CC2D2B: variants seen among roughly 807,000 people sequenced by gnomAD.
CC2D2B encodes coiled-coil and C2 domain containing 2B, also known as protein CC2D2B.
CC2D2B carries 128 observed loss-of-function variants against 161.2 expected under a neutral mutation model. The ratio of observed to expected loss-of-function variants is 0.79; its 90% CI spans 0.69 to 0.92. The LOEUF is 0.92. Ranked by LOEUF, CC2D2B falls within the 40% of genes least tolerant of loss-of-function variation. The probability of loss-of-function intolerance (pLI) is 0.00; values close to 1 mark genes in which losing one functional copy is unlikely to be tolerated. For missense variants in CC2D2B, 1,173 were observed against 1,375.1 expected, an observed-to-expected ratio of 0.85 and a Z score of 2.32; for synonymous variants, 391 against 449.8, an observed-to-expected ratio of 0.87 and a Z score of 1.65.
chr10:96,029,619 C>G (rs1303463504), intron 34 of CC2D2B, among the ~76,000 whole-genome samples: 1 of 151,786 alleles, frequency 6.6e-6, no homozygotes, highest in Non-Finnish European at 1.5e-5. Context: ...TTACAGTGGT[C>G]CCTTGGTATC....
At chr10:95,967,676 A>AT (rs2076986477) in intron 14 of CC2D2B, among the ~76,000 whole-genome samples, 1 of 152,182 alleles carries the variant, frequency 6.6e-6, no homozygotes, top group Admixed American at 6.5e-5. Flanking sequence ...TCAAATTCAA[A>AT]TTTTTAAAAT....
chr10:95,991,715 A>G (rs1338083559), intron 21 of CC2D2B, among the ~76,000 whole-genome samples: 3 of 152,194 alleles, frequency 2.0e-5, no homozygotes, highest in Admixed American at 2.0e-4. Flanking sequence ...GTTTCAGGGC[A>G]AGAAAGAAAA....
rs1284081881 is a variant in CC2D2B, at chr10:95,924,768, T to C, written c.175-11T>C. ...CTATTTCTGTAAAGATTTATTTATG[T>C]TGTGTTTCAGATTAATAAAGGTGAA... On this transcript the variant is annotated splice_polypyrimidine_tract_variant and intron_variant, in intron 4 of 34. Transcript: ENST00000646931. 2.0e-6 allele frequency: 3 copies of C among 1,500,546 alleles called. No homozygotes were observed. Among genetic ancestry groups the C allele is most frequent in the Non-Finnish European group, 2.7e-6 (3 of 1,101,886 alleles). 93.0% of individuals were successfully genotyped at this position (1,500,546 alleles called of 1,614,324 possible).
At position 95,961,689 on chromosome 10, in the gene CC2D2B, G is replaced by A. The variant is rs549387744; in HGVS notation, c.1110-140G>A. The A allele has an allele frequency of 1.5e-3, 623 of 409,476 alleles. 6 individuals carry two copies. The highest frequency in any genetic ancestry group is 3.2e-3 in the Middle Eastern group (5 of 1,586). The allele number at this position is 409,476 out of a possible 1,614,324, so 25.4% of individuals were successfully genotyped here. On this transcript the variant is annotated intron_variant, in intron 11 of 34. Transcript: ENST00000646931. The stretch of plus-strand genomic sequence containing the variant: ...GTAACATAAAATATAGTAAGATGGC[G>A]TTCAGATGTGTATAAAATGAAAAGA...
chr10:95,911,742 C>A (rs1165268266), intron 2 of CC2D2B, among the ~76,000 whole-genome samples: 1 of 152,104 alleles, frequency 6.6e-6, no homozygotes, highest in Non-Finnish European at 1.5e-5. Context: ...TTTATCCCTA[C>A]CTTCTAGATG....
In CC2D2B at chr10:95,996,223, C is replaced by T; in HGVS notation, c.2820C>T (p.Cys940=). Residue 940 remains cysteine, a synonymous_variant, in exon 24 of 35, where the codon TGC becomes TGT. Coordinates refer to ENST00000646931, the MANE Select transcript of CC2D2B (RefSeq NM_001349008.3). ...KTNTASGSHP[C]WNEEIKVDFV... Reference sequence around the variant, plus strand: ...ATACAGCAAGTGGATCTCATCCATGCTGGAATGAAGAAATTAAAGTAGATT... The same window carrying T: ...ATACAGCAAGTGGATCTCATCCATGTTGGAATGAAGAAATTAAAGTAGATT... The T allele has an allele frequency of 6.7e-7, 1 of 1,499,574 alleles. No individual in the cohort carries two copies. Among genetic ancestry groups the T allele is most frequent in the Non-Finnish European group, 8.9e-7 (1 of 1,122,376 alleles). 92.9% of individuals were successfully genotyped at this position (1,499,574 alleles called of 1,614,324 possible). A position where few individuals can be genotyped will look rare whatever the true frequency, so the allele number is the denominator to read the frequency against.
intron 4 of CC2D2B, 57 bp downstream of exon 4, chr10:95,924,447 C>A: frequency 1.1e-6 from 1 of 948,830 alleles, no homozygotes; most frequent in Non-Finnish European, 1.6e-6. Flanking sequence ...AGACATTTAA[C>A]ACAATCAAGT....
intron 17 of CC2D2B, among the ~76,000 whole-genome samples, chr10:95,979,261 CA>C (rs1299466052): frequency 6.6e-6 from 1 of 151,714 alleles, no homozygotes; most frequent in Admixed American, 6.6e-5. Flanking sequence ...CTCCTAAATC[CA>C]GAAGTGGGCT....
At chr10:95,945,587 T>A (rs1020699916) in intron 9 of CC2D2B, among the ~76,000 whole-genome samples, 3 of 152,170 alleles carry the variant, frequency 2.0e-5, no homozygotes, top group African/African-American at 7.2e-5. Context: ...GATTTTTATA[T>A]GTCAACCAGC....
chr10:96,024,575 T>C (rs1208350353), intron 32 of CC2D2B, among the ~76,000 whole-genome samples: 1 of 152,200 alleles, frequency 6.6e-6, no homozygotes, highest in African/African-American at 2.4e-5. Flanking sequence ...GTAGCATCCA[T>C]AGTGTGTCAA....
intron 2 of CC2D2B, among the ~76,000 whole-genome samples, chr10:95,915,640 T>G (rs2098514773): frequency 6.6e-6 from 1 of 152,242 alleles, no homozygotes; most frequent in Non-Finnish European, 1.5e-5. Context: ...AAATGCTTTT[T>G]CAGCATCAAT....
intron 9 of CC2D2B, among the ~76,000 whole-genome samples, chr10:95,946,222 A>C (rs2076194640): frequency 6.6e-6 from 1 of 152,198 alleles, no homozygotes; most frequent in African/African-American, 2.4e-5. Context: ...TGAAGCCTAC[A>C]GTCACTTCCA....
chr10:95,938,625 G>C lies in CC2D2B; in HGVS notation c.592G>C (p.Gly198Arg). 1 of 713,178 alleles carries C rather than the reference G, an allele frequency of 1.4e-6. No individual in the cohort carries two copies. The highest frequency in any genetic ancestry group is 2.6e-6 in the Non-Finnish European group (1 of 383,904). The allele number at this position is 713,178 out of a possible 1,614,324, so 44.2% of individuals were successfully genotyped here. Residue 198 changes from glycine to arginine, a missense_variant, in exon 8 of 35, where the codon GGA (glycine) becomes CGA (arginine). Coordinates refer to ENST00000646931, the MANE Select transcript of CC2D2B (RefSeq NM_001349008.3). Reference protein sequence around the residue: ...DMMPRILEDEGFYIQRKPEIY... With the variant: ...DMMPRILEDERFYIQRKPEIY... ...GATGCCACGTATTCTAGAAGATGAA[G>C]GATTCTATATTCAGAGAAAGCCAGA...
chr10:96,033,014 G>A lies in CC2D2B; in HGVS notation c.*1006G>A, dbSNP rs1223297551. Among the ~76,000 whole-genome samples the A allele has an allele frequency of 6.6e-6, 1 of 152,110 alleles. No individual in the cohort carries two copies. The highest frequency in any genetic ancestry group is 1.5e-5 in the Non-Finnish European group (1 of 68,028). ...TGTTTTGTCCTTCATTAAAAGAAAT[G>A]TGTTTATATAATTTACTTACATATG... On this transcript the variant is annotated 3_prime_UTR_variant, in exon 35 of 35. Coordinates refer to ENST00000646931, the MANE Select transcript of CC2D2B (RefSeq NM_001349008.3).
intron 10 of CC2D2B, among the ~76,000 whole-genome samples, chr10:95,954,836 A>G (rs2076520100): frequency 6.6e-6 from 1 of 152,110 alleles, no homozygotes; most frequent in Admixed American, 6.6e-5. Context: ...CAACTGTGAC[A>G]GACGTCTCCT....
intron 32 of CC2D2B, among the ~76,000 whole-genome samples, chr10:96,023,984 G>C (rs1389817088): frequency 6.6e-6 from 1 of 152,174 alleles, no homozygotes; most frequent in Non-Finnish European, 1.5e-5. Context: ...ACTCACGAAG[G>C]GGGAACATCT....
At position 96,012,332 on chromosome 10, in the gene CC2D2B, A is replaced by G; in HGVS notation, c.3193A>G (p.Ile1065Val). ...LNIFATIEPQ[I>V]SYVTCNPTLD... ...TATTTTTGCTACCATTGAACCTCAA[A>G]TATCATATGTCACCTGTAATCCAAC... Residue 1065 changes from isoleucine (I) to valine (V), a missense_variant, in exon 27 of 35, where the codon ATA becomes GTA. Physicochemically the swap from Ile to Val is conservative, Grantham distance 29. Coordinates refer to ENST00000646931, the MANE Select transcript of CC2D2B (RefSeq NM_001349008.3). 2.8e-6 allele frequency: 2 copies of G among 705,264 alleles called. No individual in the cohort carries two copies. Among genetic ancestry groups the G allele is most frequent in the South Asian group, 1.5e-5 (1 of 64,998 alleles). The allele number at this position is 705,264 out of a possible 1,614,324, so 43.7% of individuals were successfully genotyped here. A position where few individuals can be genotyped will look rare whatever the true frequency, so the allele number is the denominator to read the frequency against.
chr10:95,999,033 A>G (rs1464958983), intron 24 of CC2D2B, among the ~76,000 whole-genome samples: 1 of 152,146 alleles, frequency 6.6e-6, no homozygotes, highest in African/African-American at 2.4e-5. Context: ...GTGAACAGAG[A>G]TCGCGCCACT....
chr10:95,993,934 GTGTGTGTGTATGTA>G (rs1339379429), intron 22 of CC2D2B, among the ~76,000 whole-genome samples: 99 of 12,746 alleles, frequency 7.8e-3, no homozygotes, highest in Middle Eastern at 0.036. Flanking sequence ...GTGTGTGTGT[GTGTGTGTGTATGTA>G]TGTGTATATA....
Sources: gnomAD v4.1 joint callset for allele counts (sites outside exome capture counted in the v4.1 genomes callset) on GRCh38, gnomAD v4.1.1 for gene constraint, MANE v1.5 for transcripts, NCBI Gene and HGNC (gene_info 2026-07-23, HGNC 2026-07-21) for gene names.